RALGAPA1: variants seen among roughly 807,000 people sequenced by gnomAD.
RALGAPA1 encodes the protein ral GTPase-activating protein subunit alpha-1.
A neutral mutation model predicts 269.6 loss-of-function variants in RALGAPA1; 52 were observed. The observed-to-expected ratio is 0.19, with a 90% confidence interval of 0.15 to 0.24. The LOEUF (loss-of-function observed/expected upper bound fraction) is 0.24, where lower values mean the gene tolerates loss of function less well. Among genes scored for constraint, RALGAPA1 ranks in the 10% least tolerant of loss-of-function variants. The probability of loss-of-function intolerance (pLI) is 1.00; values close to 1 mark genes in which losing one functional copy is unlikely to be tolerated. For synonymous variants in RALGAPA1, 817 were observed against 1,008.3 expected (o/e 0.81, Z 3.60); for missense variants, 1,917 against 3,013.9 (o/e 0.64, Z 8.52).
intron 26 of RALGAPA1, among the ~76,000 whole-genome samples, chr14:35,666,231 G>A (rs946493441): frequency 6.6e-6 from 1 of 151,940 alleles, no homozygotes; most frequent in African/African-American, 2.4e-5. Flanking sequence ...CATCTAGCAT[G>A]TCTGCTCCTA....
chr14:35,767,620 A>G (rs2074257661), intron 4 of RALGAPA1, among the ~76,000 whole-genome samples: 1 of 152,122 alleles, frequency 6.6e-6, no homozygotes, highest in South Asian at 2.1e-4. Flanking sequence ...CCCAGGAGGC[A>G]GAGGTTGCAG....
intron 1 of RALGAPA1, among the ~76,000 whole-genome samples, chr14:35,782,424 T>C (rs568657240): frequency 6.6e-6 from 1 of 152,244 alleles, no homozygotes; most frequent in East Asian, 1.9e-4. Flanking sequence ...CTCTTTTTTT[T>C]CTTCTATTTT....
At chr14:35,760,614 G>GCCCC (rs2073618675) in intron 6 of RALGAPA1, among the ~76,000 whole-genome samples, 1 of 152,202 alleles carries the variant, frequency 6.6e-6, no homozygotes, top group East Asian at 1.9e-4. Context: ...GGCATGGCAT[G>GCCCC]CCCCTTCCTC....
intron 35 of RALGAPA1, among the ~76,000 whole-genome samples, chr14:35,620,617 C>T (rs980988754): frequency 4.6e-5 from 7 of 152,126 alleles, no homozygotes; most frequent in East Asian, 1.9e-4. Flanking sequence ...AAAACCCCAT[C>T]GTCTCAGCCC....
intron 39 of RALGAPA1, among the ~76,000 whole-genome samples, chr14:35,559,367 A>T (rs2055942019): frequency 6.6e-6 from 1 of 152,198 alleles, no homozygotes; most frequent in Non-Finnish European, 1.5e-5. Flanking sequence ...TAGCATCTGA[A>T]TCTACAGTTG....
chr14:35,580,561 T>C (rs990114522), intron 37 of RALGAPA1, among the ~76,000 whole-genome samples: 3 of 152,214 alleles, frequency 2.0e-5, no homozygotes, highest in African/African-American at 4.8e-5. Flanking sequence ...AAGTATAGTC[T>C]ATGTTGTAAA....
chr14:35,748,167 A>G (rs1278311158), intron 10 of RALGAPA1, among the ~76,000 whole-genome samples: 2 of 152,038 alleles, frequency 1.3e-5, no homozygotes, highest in Non-Finnish European at 2.9e-5. Context: ...TATTACGCTA[A>G]AAGTATCACA....
At position 35,572,698 on chromosome 14, in the gene RALGAPA1, A is replaced by G. The variant is rs368316419; in HGVS notation, c.7230T>C (p.Asp2410=). The G allele has an allele frequency of 1.7e-4, 276 of 1,595,422 alleles. No homozygotes were observed. The highest frequency in any genetic ancestry group is 2.2e-4 in the Non-Finnish European group (261 of 1,173,688). The change falls in exon 38 of 42, where the codon GAT becomes GAC. Residue 2410 remains aspartate, a synonymous_variant. Coordinates refer to ENST00000680220, the MANE Select transcript of RALGAPA1 (RefSeq NM_001346249.2). ...LTKKLRHLGN[D]EVHIVWSEHT... is the part of the protein sequence containing the mutation. Reference sequence around the variant, plus strand: ...GCTCTGACCAAACAATGTGCACTTCATCATTTCCCAAATGTCTCAACTGGA... The same window carrying G: ...GCTCTGACCAAACAATGTGCACTTCGTCATTTCCCAAATGTCTCAACTGGA...
chr14:35,800,862 A>G (rs900449035), intron 1 of RALGAPA1, among the ~76,000 whole-genome samples: 1 of 151,980 alleles, frequency 6.6e-6, no homozygotes, highest in Admixed American at 6.6e-5. Context: ...AAAATTAGCC[A>G]GGCGGGGTGG....
At chr14:35,704,205 C>T (rs1439194630) in intron 16 of RALGAPA1, among the ~76,000 whole-genome samples, 3 of 152,172 alleles carry the variant, frequency 2.0e-5, no homozygotes, top group East Asian at 3.9e-4. Flanking sequence ...GATATATATG[C>T]TCCAAAAGTT....
At chr14:35,724,964 A>C in intron 14 of RALGAPA1, 60 bp downstream of exon 14, 1 of 1,320,312 alleles carries the variant, frequency 7.6e-7, no homozygotes, top group East Asian at 2.6e-5. Context: ...ACAAACAACA[A>C]AACAAAACAA....
At chr14:35,749,557 T>C (rs1201547882) in intron 9 of RALGAPA1, among the ~76,000 whole-genome samples, 2 of 152,166 alleles carry the variant, frequency 1.3e-5, no homozygotes, top group Non-Finnish European at 2.9e-5. Flanking sequence ...ATAACAGAGC[T>C]TAAATAAATG....
intron 26 of RALGAPA1, among the ~76,000 whole-genome samples, chr14:35,668,685 A>G (rs1223383650): frequency 6.6e-6 from 1 of 152,080 alleles, no homozygotes; most frequent in African/African-American, 2.4e-5. Context: ...GTGTGCCTAT[A>G]GTCTCAGCTA....
At chr14:35,579,592 G>A (rs1438395264) in intron 37 of RALGAPA1, among the ~76,000 whole-genome samples, 1 of 130,534 alleles carries the variant, frequency 7.7e-6, no homozygotes, top group Non-Finnish European at 1.6e-5. Flanking sequence ...TGGCAACATA[G>A]TGAGACTCCG....
intron 36 of RALGAPA1, among the ~76,000 whole-genome samples, chr14:35,597,343 G>A (rs1377816624): frequency 5.3e-5 from 8 of 152,018 alleles, no homozygotes; most frequent in African/African-American, 1.9e-4. Flanking sequence ...TAATCTGATA[G>A]GTGACAAATG....
At chr14:35,775,805 T>C in intron 1 of RALGAPA1, 60 bp from the exon 2 acceptor site, 2 of 1,401,358 alleles carry the variant, frequency 1.4e-6, no homozygotes, top group South Asian at 1.8e-5. Flanking sequence ...GTTTAGCAAA[T>C]ATTCAGCGAC....
chr14:35,808,181 C>G (rs2077506733), intron 1 of RALGAPA1, among the ~76,000 whole-genome samples: 4 of 152,062 alleles, frequency 2.6e-5, no homozygotes, highest in Admixed American at 1.3e-4. Context: ...GTTAAACTAC[C>G]TATAATAGTT....
intron 4 of RALGAPA1, among the ~76,000 whole-genome samples, chr14:35,767,531 C>T (rs146239780): frequency 3.0e-4 from 45 of 152,016 alleles, no homozygotes; most frequent in Middle Eastern, 3.4e-3. Flanking sequence ...ACTAAAAATA[C>T]AAAAATTAGC....
rs373839968 is a variant in RALGAPA1 at position 35,780,848 on chromosome 14, T to C, written c.107-5103A>G. 1.2e-3 allele frequency among the ~76,000 whole-genome samples: 179 copies of C among 152,230 alleles called. 3 individuals are homozygous for C. The South Asian group carries it at 0.035, about 30-fold the overall frequency. ...GGTTCACGCCTGTAATCCCAACCCT[T>C]TGGAAGGCCGAGGCAGGAGTCTCAA... On this transcript the variant is annotated intron_variant, in intron 1 of 41. Coordinates refer to ENST00000680220, the MANE Select transcript of RALGAPA1 (RefSeq NM_001346249.2).
Sources: gnomAD v4.1 joint callset for allele counts (sites outside exome capture counted in the v4.1 genomes callset) on GRCh38, gnomAD v4.1.1 for gene constraint, MANE v1.5 for transcripts, NCBI Gene and HGNC (gene_info 2026-07-23, HGNC 2026-07-21) for gene names.